The following GUCA1B variants were observed in gnomAD, a reference collection of about 807,000 sequenced individuals.
The protein encoded by GUCA1B is guanylyl cyclase-activating protein 2.
Under a neutral mutation model 24.2 loss-of-function variants are expected in GUCA1B, and 22 were observed. That is an observed-to-expected ratio of 0.91 (90% CI 0.65 to 1.30). The LOEUF (loss-of-function observed/expected upper bound fraction) is 1.30. Among genes scored for constraint, GUCA1B ranks in the 50% most tolerant of loss-of-function variants. GUCA1B has a pLI of 0.00. For synonymous variants in GUCA1B, 100 were observed against 97.9 expected (o/e 1.02, Z -0.13); for missense variants, 221 against 258.8 (o/e 0.85, Z 1.00).
intron 1 of GUCA1B, among the ~76,000 whole-genome samples, chr6:42,190,151 G>A (rs1448834881): frequency 6.6e-6 from 1 of 152,102 alleles, no homozygotes; most frequent in Non-Finnish European, 1.5e-5. Flanking sequence ...GAAGCCTAAG[G>A]AAAAACTAAG....
Position 42,194,855 on chromosome 6 carries a change from G to T in GUCA1B, c.-35C>A. The T allele has an allele frequency of 6.9e-7, 1 of 1,447,372 alleles. No homozygotes were observed. The highest frequency in any genetic ancestry group is 9.5e-7 in the Non-Finnish European group (1 of 1,054,260). 89.7% of individuals were successfully genotyped at this position (1,447,372 alleles called of 1,614,324 possible). On this transcript the variant is annotated 5_prime_UTR_variant, in exon 1 of 4. Transcript: ENST00000230361. Reference sequence around the variant, plus strand: ...GAGGAGCATCAGGGAGCAAGGGTCTGTATCTCCTCCCTGGCTTCTGCTGAT... The same window carrying T: ...GAGGAGCATCAGGGAGCAAGGGTCTTTATCTCCTCCCTGGCTTCTGCTGAT...
chr6:42,187,853 TTTC>T (rs1168071318), intron 2 of GUCA1B, among the ~76,000 whole-genome samples: 7 of 150,562 alleles, frequency 4.6e-5, no homozygotes, highest in African/African-American at 1.7e-4. Context: ...TTTTCTTTTC[TTTC>T]TTTTTTTTGA....
intron 1 of GUCA1B, among the ~76,000 whole-genome samples, chr6:42,191,401 A>C (rs1405484440): frequency 6.6e-6 from 1 of 152,080 alleles, no homozygotes; most frequent in African/African-American, 2.4e-5. Flanking sequence ...CCACATCTAT[A>C]AACACTTTTG....
chr6:42,184,754 G>T lies in GUCA1B; in HGVS notation c.*61C>A, dbSNP rs1216446180. On this transcript the variant is annotated 3_prime_UTR_variant, in exon 4 of 4. Coordinates refer to ENST00000230361, the MANE Select transcript of GUCA1B (RefSeq NM_002098.6). ...GTGGGCATGAGCAGGCTGAGCCAGG[G>T]ACCCTCCTACTACCCTGGAAACCTG... 1 of 1,544,334 alleles carries T rather than the reference G, an allele frequency of 6.5e-7. No homozygotes were observed. The highest frequency in any genetic ancestry group is 1.1e-5 in the South Asian group (1 of 89,692).
chr6:42,194,272 C>T (rs1389987034), intron 1 of GUCA1B, among the ~76,000 whole-genome samples: 3 of 152,280 alleles, frequency 2.0e-5, no homozygotes, highest in East Asian at 1.9e-4. Context: ...TGCGAAAACC[C>T]GGTCATTGGG....
intron 1 of GUCA1B, among the ~76,000 whole-genome samples, chr6:42,192,000 TA>T (rs1768311770): frequency 1.0e-5 from 1 of 97,524 alleles, no homozygotes. Context: ...TAAAGAAGAC[TA>T]AGGAGATACA....
In GUCA1B at chr6:42,188,693, C is replaced by G; in HGVS notation, c.246G>C (p.Leu82=). 6.2e-7 allele frequency: 1 copy of G among 1,614,100 alleles called. No individual in the cohort carries two copies. ...CCAGGGTGCCCCTCAGCACGAGATT[C>G]AGAGCTGCCACGTACTCCAGGAAGT... is the stretch of plus-strand genomic sequence containing the variant. ...TIDFLEYVAA[L]NLVLRGTLEH... is the part of the protein sequence containing the mutation. The change falls in exon 2 of 4, where the codon CTG becomes CTC. Residue 82 remains leucine (L), a synonymous_variant. Coordinates refer to ENST00000230361, the MANE Select transcript of GUCA1B (RefSeq NM_002098.6).
chr6:42,188,871 T>C, intron 1 of GUCA1B, 140 bp from the exon 2 acceptor site: 1 of 737,050 alleles, frequency 1.4e-6, no homozygotes, highest in Non-Finnish European at 2.3e-6. Context: ...TTCTCCACCC[T>C]TGGGGTAGAG....
chr6:42,185,645 G>C, intron 3 of GUCA1B, 35 bp downstream of exon 3: 2 of 1,260,726 alleles, frequency 1.6e-6, no homozygotes. Context: ...ATGATGCAGA[G>C]TGGACAGCAC....
At chr6:42,187,073 G>A (rs895888124) in intron 2 of GUCA1B, among the ~76,000 whole-genome samples, 1 of 151,604 alleles carries the variant, frequency 6.6e-6, no homozygotes, top group African/African-American at 2.4e-5. Flanking sequence ...GATTTCTGCT[G>A]TTTATTTTCT....
intron 1 of GUCA1B, among the ~76,000 whole-genome samples, chr6:42,188,951 T>TATCTATCTATC (rs1768255619): frequency 2.2e-5 from 3 of 134,026 alleles, no homozygotes; most frequent in African/African-American, 1.0e-4. Flanking sequence ...ATCTATCATC[T>TATCTATCTATC]GTCTATTTAT....
rs987806219 is a variant in GUCA1B, at chr6:42,184,642, C to A, written c.*173G>T. On this transcript the variant is annotated 3_prime_UTR_variant, in exon 4 of 4. Coordinates refer to ENST00000230361, the MANE Select transcript of GUCA1B (RefSeq NM_002098.6). Reference sequence around the variant, plus strand: ...GGACTCCTCCAAAATGGACTATGCCCTGTTGGCCACTTCAAACCCAGCAGC... The same window carrying A: ...GGACTCCTCCAAAATGGACTATGCCATGTTGGCCACTTCAAACCCAGCAGC... 4.1e-6 allele frequency: 3 copies of A among 729,388 alleles called. No homozygotes were observed. In the African/African-American group the frequency reaches 5.2e-5, roughly 13 times the overall value. 45.2% of individuals were successfully genotyped at this position (729,388 alleles called of 1,614,324 possible).
rs1347759026 is a variant in GUCA1B, at chr6:42,183,751, G to A, written c.*1064C>T. On this transcript the variant is annotated 3_prime_UTR_variant, in exon 4 of 4. Transcript: ENST00000230361. ...ACAGAAGTTTTCTCCATCCTTTAAA[G>A]AGAAACATTCAGCTTATGGCTGGGA... Among the ~76,000 whole-genome samples, 1 of 152,120 alleles carries A rather than the reference G, an allele frequency of 6.6e-6. No individual in the cohort carries two copies. The highest frequency in any genetic ancestry group is 1.5e-5 in the Non-Finnish European group (1 of 68,038).
chr6:42,188,929 CTCTA>C (rs1319942709), intron 1 of GUCA1B, among the ~76,000 whole-genome samples, 198 bp from the exon 2 acceptor site: 3 of 134,060 alleles, frequency 2.2e-5, no homozygotes, highest in Admixed American at 1.4e-4. Flanking sequence ...CTCTCTCTCT[CTCTA>C]TCTGACTATC....
intron 1 of GUCA1B, among the ~76,000 whole-genome samples, chr6:42,194,344 C>T (rs1768360717): frequency 6.6e-6 from 1 of 152,144 alleles, no homozygotes; most frequent in South Asian, 2.1e-4. Flanking sequence ...AGTCGCCCTT[C>T]AGCTCTCAAG....
At chr6:42,189,720 C>T (rs892578927) in intron 1 of GUCA1B, among the ~76,000 whole-genome samples, 2 of 152,214 alleles carry the variant, frequency 1.3e-5, no homozygotes, top group African/African-American at 2.4e-5. Context: ...TGACTCTCAC[C>T]AGGAAGCAAC....
rs1479287383 is a variant in GUCA1B, at chr6:42,184,140, G to C, written c.*675C>G. 6.6e-6 allele frequency among the ~76,000 whole-genome samples: 1 copy of C among 151,120 alleles called. No individual in the cohort carries two copies. The highest frequency in any genetic ancestry group is 2.0e-4 in the East Asian group (1 of 5,120). The stretch of plus-strand genomic sequence containing the variant: ...GAGTCTCACTGTCGTCCAGGCTGGA[G>C]TGCAGTGGCGCAATCTCGGCTCACT... On this transcript the variant is annotated 3_prime_UTR_variant, in exon 4 of 4. Transcript: ENST00000230361.
At chr6:42,194,569 C>T (rs201204096) in intron 1 of GUCA1B, 45 bp downstream of exon 1, 15 of 1,232,790 alleles carry the variant, frequency 1.2e-5, no homozygotes, top group East Asian at 4.6e-5. Context: ...TGGAGGAAGG[C>T]GCCAGGTGGA....
Position 42,184,876 on chromosome 6 carries a change from T to C in GUCA1B, c.542A>G (p.Gln181Arg). The change falls in exon 4 of 4, where the codon CAG (glutamine) becomes CGG (arginine). Residue 181 changes from glutamine to arginine, a missense_variant. Gln to Arg is a conservative substitution (Grantham distance 43). Transcript: ENST00000230361. ...CCAGCTGCTGGGATTCATGTCCATC[T>C]GCAGCATCTTCATCACCCACTTGTC... ...RRDKWVMKML[Q>R]MDMNPSSWLA... 1 of 1,613,950 alleles carries C rather than the reference T, an allele frequency of 6.2e-7. No individual in the cohort carries two copies. The highest frequency in any genetic ancestry group is 8.5e-7 in the Non-Finnish European group (1 of 1,179,782).
Sources: allele counts gnomAD v4.1 joint callset (sites outside exome capture counted in the v4.1 genomes callset), GRCh38; gene constraint gnomAD v4.1.1; transcripts MANE v1.5; gene names NCBI Gene and HGNC (gene_info 2026-07-23, HGNC 2026-07-21).